MED15: variants seen among roughly 807,000 people sequenced by gnomAD.
The protein encoded by MED15 is mediator complex subunit 15.
A neutral mutation model predicts 118.7 loss-of-function variants in MED15; 41 were observed. The ratio of observed to expected loss-of-function variants is 0.35; its 90% CI spans 0.27 to 0.45. The LOEUF (loss-of-function observed/expected upper bound fraction) is 0.45. Ranked by LOEUF, MED15 falls within the 20% of genes least tolerant of loss-of-function variation. The probability of loss-of-function intolerance (pLI) is 1.00; values close to 1 mark genes in which losing one functional copy is unlikely to be tolerated. For synonymous variants in MED15, 436 were observed against 413.9 expected (o/e 1.05, Z -0.65); for missense variants, 740 against 1,025.5 (o/e 0.72, Z 3.80).
Position 20,575,199 on chromosome 22 carries a change from C to T in MED15, c.1239C>T (p.Ser413=). ...CCGCTGTGTCCGCCATCCCGTCAAG[C>T]TCCATCCCTTTGGGCAGACAGCCCA... ...PTTAVSAIPS[S]SIPLGRQPMA... Residue 413 remains serine, a synonymous_variant, in exon 9 of 18, where the codon AGC becomes AGT. Transcript: ENST00000263205. 1 of 1,614,124 alleles carries T rather than the reference C, an allele frequency of 6.2e-7. No individual in the cohort carries two copies. Among genetic ancestry groups the T allele is most frequent in the South Asian group, 1.1e-5 (1 of 91,092 alleles).
intron 1 of MED15, among the ~76,000 whole-genome samples, chr22:20,519,932 T>C (rs909924244): frequency 2.0e-5 from 3 of 152,224 alleles, no homozygotes; most frequent in Non-Finnish European, 4.4e-5. Flanking sequence ...TCTGTCTTTT[T>C]AATTTTAATT....
At position 20,566,557 on chromosome 22, in the gene MED15, C is replaced by CAGCAGG; in HGVS notation, c.782_787dup (p.Gln262_Ala263insGluGln). 1 of 1,613,448 alleles carries CAGCAGG rather than the reference C, an allele frequency of 6.2e-7. No homozygotes were observed. The highest frequency in any genetic ancestry group is 8.5e-7 in the Non-Finnish European group (1 of 1,179,764). ...GCAGCAGCAGCAGCAGCAGCAGCAG[C>CAGCAGG]AGCAGGCTTTGCAGGCCCAGCCACC... On this transcript the variant is annotated inframe_insertion, in exon 7 of 18. Coordinates refer to ENST00000263205, the MANE Select transcript of MED15 (RefSeq NM_001003891.3).
chr22:20,518,755 G>T (rs2054340316), intron 1 of MED15: 2 of 379,814 alleles, frequency 5.3e-6, no homozygotes, highest in Non-Finnish European at 1.0e-5. Flanking sequence ...GCCTGCCATG[G>T]TTTTGTCCAT....
Position 20,514,210 on chromosome 22 carries a change from A to G in MED15, c.68+6464A>G, listed in dbSNP as rs930204792. On this transcript the variant is annotated intron_variant, in intron 1 of 17. Transcript: ENST00000263205. The stretch of plus-strand genomic sequence containing the variant: ...CATCTACTCTCCCTGCAGAAACTGC[A>G]GGATAAGCCACCCTTAGAACCAATT... Among the ~76,000 whole-genome samples the G allele has an allele frequency of 2.6e-5, 4 of 152,290 alleles. No individual in the cohort carries two copies. The East Asian group carries it at 7.7e-4, about 29-fold the overall frequency.
intron 7 of MED15, 83 bp downstream of exon 7, chr22:20,566,900 G>C: frequency 6.4e-7 from 1 of 1,562,060 alleles, no homozygotes; most frequent in Non-Finnish European, 8.7e-7. Flanking sequence ...GCTAGAGATA[G>C]CATATCCTAT....
intron 8 of MED15, among the ~76,000 whole-genome samples, chr22:20,572,966 C>CTTTT (rs361635): frequency 7.3e-6 from 1 of 137,074 alleles, no homozygotes; most frequent in Non-Finnish European, 1.6e-5. Context: ...ATCTCATTTT[C>CTTTT]TTTTTTTTTT....
In MED15 at chr22:20,581,414, G is replaced by A. The variant is rs554270815; in HGVS notation, c.1273-1197G>A. Among the ~76,000 whole-genome samples, 9 of 152,296 alleles carry A rather than the reference G, an allele frequency of 5.9e-5. No individual in the cohort carries two copies. The East Asian group carries it at 1.2e-3, about 20-fold the overall frequency. ...CACAGCACTGTGGTGGAAGTGCTTG[G>A]GGGGTGGTGTGAGCCGTGGCCCGAG... On this transcript the variant is annotated intron_variant, in intron 9 of 17. Transcript: ENST00000263205.
At chr22:20,523,901 G>C in intron 1 of MED15, 3 of 944,510 alleles carry the variant, frequency 3.2e-6, no homozygotes, top group Non-Finnish European at 3.8e-6. Context: ...GAGAGACCTT[G>C]AGGATAGAGG....
chr22:20,526,357 A>G (rs1053894610), intron 1 of MED15, among the ~76,000 whole-genome samples: 3 of 152,226 alleles, frequency 2.0e-5, no homozygotes, highest in Non-Finnish European at 2.9e-5. Context: ...TAATAGGCAC[A>G]TGCTGCTTTT....
chr22:20,570,851 T>C (rs2056637233), intron 8 of MED15, among the ~76,000 whole-genome samples: 1 of 144,654 alleles, frequency 6.9e-6, no homozygotes, highest in Admixed American at 7.0e-5. Context: ...CTGCAACCTC[T>C]GTCTCCCAGG....
At chr22:20,578,544 C>T (rs1235831905) in intron 9 of MED15, among the ~76,000 whole-genome samples, 1 of 152,224 alleles carries the variant, frequency 6.6e-6, no homozygotes, top group Non-Finnish European at 1.5e-5. Context: ...CACCAGGTGG[C>T]TCCAGAGGTG....
At chr22:20,585,539 G>A (rs952976487) in intron 16 of MED15, 189 bp from the exon 17 acceptor site, 23 of 681,686 alleles carry the variant, frequency 3.4e-5, no homozygotes, top group Non-Finnish European at 4.9e-5. Flanking sequence ...AGGACCTCTG[G>A]GCACCCATCA....
At chr22:20,509,899 A>G (rs1211589356) in intron 1 of MED15, among the ~76,000 whole-genome samples, 1 of 152,078 alleles carries the variant, frequency 6.6e-6, no homozygotes, top group Non-Finnish European at 1.5e-5. Context: ...ATCAAAGAAA[A>G]TGGGGGTAGG....
At chr22:20,549,198 G>T (rs1301316421) in intron 2 of MED15, among the ~76,000 whole-genome samples, 3 of 152,198 alleles carry the variant, frequency 2.0e-5, no homozygotes, top group African/African-American at 7.2e-5. Context: ...AGGCGATAAT[G>T]CATGTGAATT....
chr22:20,534,912 C>T (rs1001648532), intron 1 of MED15, among the ~76,000 whole-genome samples: 2 of 152,172 alleles, frequency 1.3e-5, no homozygotes, highest in Non-Finnish European at 2.9e-5. Context: ...AGCAGAAACC[C>T]CTTGCTGCCT....
chr22:20,547,446 G>A (rs1260166798), intron 2 of MED15, among the ~76,000 whole-genome samples: 5 of 152,118 alleles, frequency 3.3e-5, no homozygotes, highest in African/African-American at 1.2e-4. Flanking sequence ...ACTCACACCT[G>A]TAATCCCAAC....
At chr22:20,567,595 T>C (rs906844001) in intron 7 of MED15, among the ~76,000 whole-genome samples, 7 of 152,234 alleles carry the variant, frequency 4.6e-5, no homozygotes, top group African/African-American at 1.4e-4. Context: ...GTCGACACAC[T>C]GCCTGACCCC....
At chr22:20,575,650 T>C (rs2056800375) in intron 9 of MED15, among the ~76,000 whole-genome samples, 1 of 151,758 alleles carries the variant, frequency 6.6e-6, no homozygotes, top group Non-Finnish European at 1.5e-5. Flanking sequence ...GATGGGAGGA[T>C]CACTTGAGGC....
intron 5 of MED15, among the ~76,000 whole-genome samples, chr22:20,559,547 C>T (rs1386133551): frequency 6.6e-6 from 1 of 152,156 alleles, no homozygotes; most frequent in Admixed American, 6.5e-5. Context: ...CTGGCCCCAA[C>T]CAAGTTAGCC....
Sources: gnomAD v4.1 joint callset for allele counts (sites outside exome capture counted in the v4.1 genomes callset) on GRCh38, gnomAD v4.1.1 for gene constraint, MANE v1.5 for transcripts, NCBI Gene and HGNC (gene_info 2026-07-23, HGNC 2026-07-21) for gene names.